Variants in C3orf49 observed in about 807,000 individuals in gnomAD.
C3orf49 encodes chromosome 3 open reading frame 49.
A neutral mutation model predicts 13.3 loss-of-function variants in C3orf49; 27 were observed. The observed-to-expected ratio is 2.02, with a 90% CI of 1.49 to 2.79. The LOEUF is 2.79. C3orf49 is among the 30% of genes most tolerant of loss of function. The pLI is 0.00. For synonymous variants in C3orf49, 87 were observed against 47.6 expected (o/e 1.83, Z -3.40); for missense variants, 242 against 134.2 (o/e 1.80, Z -3.97).
the C3orf49 span, among the ~76,000 whole-genome samples, chr3:63,799,742 A>C: frequency 6.6e-6 from 1 of 152,152 alleles, no homozygotes; most frequent in African/African-American, 2.4e-5. Context: ...CATTTTCCCA[A>C]TTTTACAGTT....
At chr3:63,788,278 T>A in the C3orf49 span, among the ~76,000 whole-genome samples, 1 of 152,172 alleles carries the variant, frequency 6.6e-6, no homozygotes, top group Admixed American at 6.5e-5. Flanking sequence ...CAAGAATACA[T>A]AACTAGTGAG....
chr3:63,843,104 G>A (rs73120898), intron 5 of C3orf49, among the ~76,000 whole-genome samples: 15,573 of 148,854 alleles, frequency 0.1, 938 homozygotes, highest in Middle Eastern at 0.16. Context: ...TCCAAAAACC[G>A]TATGTATATT....
intron 5 of C3orf49, among the ~76,000 whole-genome samples, chr3:63,843,066 C>T (rs1215445619): frequency 6.6e-6 from 1 of 151,966 alleles, no homozygotes; most frequent in East Asian, 1.9e-4. Context: ...GAATTACAGG[C>T]ATGAGCCTCT....
chr3:63,781,202 A>C, the C3orf49 span, among the ~76,000 whole-genome samples: 17 of 149,152 alleles, frequency 1.1e-4, 1 homozygote, highest in Admixed American at 9.5e-4. Context: ...TCAGCTTTCT[A>C]CATATGGCTA....
chr3:63,823,289 T>G lies in C3orf49; in HGVS notation c.165T>G (p.Asn55Lys), dbSNP rs777182540. The G allele has an allele frequency of 3.1e-5, 22 of 702,986 alleles. 1 individual carries two copies. The South Asian group carries it at 3.3e-4, about 10-fold the overall frequency. 43.5% of individuals were successfully genotyped at this position (702,986 alleles called of 1,614,324 possible). A position where few individuals can be genotyped will look rare whatever the true frequency, so the allele number is the denominator to read the frequency against. ...TGTCTACCAACTTACTAAAACAAAA[T>G]GTATTGGTCCCTAAAGAGGAATCAT... Reference protein sequence around the residue: ...RAVSTNLLKQNVLVPKEESSS... With the variant: ...RAVSTNLLKQKVLVPKEESSS... Residue 55 changes from asparagine to lysine, a missense_variant, in exon 2 of 7, where the codon AAT (asparagine) becomes AAG (lysine). By Grantham distance (94) the Asn-to-Lys change is moderately conservative (BLOSUM62 0). Transcript: ENST00000295896.
chr3:63,812,602 T>G, the C3orf49 span, among the ~76,000 whole-genome samples: 1 of 152,228 alleles, frequency 6.6e-6, no homozygotes, highest in Non-Finnish European at 1.5e-5. Flanking sequence ...TTTTTTGTTG[T>G]TGTGAATAAT....
chr3:63,795,027 C>T, the C3orf49 span, among the ~76,000 whole-genome samples: 1 of 152,182 alleles, frequency 6.6e-6, no homozygotes, highest in Non-Finnish European at 1.5e-5. Flanking sequence ...AAATTTTTAA[C>T]TTCACTCCAG....
At chr3:63,819,708 G>A in intron 1 of C3orf49, 112 bp downstream of exon 1, 1 of 650,906 alleles carries the variant, frequency 1.5e-6, no homozygotes, top group Non-Finnish European at 2.8e-6. Context: ...GGATTGGCGG[G>A]GAGGGTACTG....
the C3orf49 span, among the ~76,000 whole-genome samples, chr3:63,809,048 C>T: frequency 3.9e-5 from 6 of 152,240 alleles, no homozygotes; most frequent in East Asian, 1.9e-4. Flanking sequence ...GGCTGCAAGC[C>T]TCTCTCCAAT....
the C3orf49 span, among the ~76,000 whole-genome samples, chr3:63,790,044 A>C: frequency 6.6e-6 from 1 of 152,256 alleles, no homozygotes; most frequent in South Asian, 2.1e-4. Flanking sequence ...ACTCTAATAC[A>C]TTGTCCTTAT....
At chr3:63,842,530 G>A (rs1035248374) in intron 5 of C3orf49, among the ~76,000 whole-genome samples, 5 of 152,164 alleles carry the variant, frequency 3.3e-5, no homozygotes, top group African/African-American at 1.2e-4. Flanking sequence ...AAAAAGGAAT[G>A]AAATAGTGTC....
chr3:63,803,826 T>C, the C3orf49 span, among the ~76,000 whole-genome samples: 1 of 152,138 alleles, frequency 6.6e-6, no homozygotes, highest in Non-Finnish European at 1.5e-5. Context: ...TTATATTTAC[T>C]GTGCACTTTA....
rs189651630 is a variant in C3orf49, at chr3:63,839,807, T to C, written c.850-5216T>C. The C allele has an allele frequency of 2.2e-5, 35 of 1,561,322 alleles. No homozygotes were observed. In the African/African-American group the frequency reaches 3.8e-4, roughly 17 times the overall value. Reference sequence around the variant, plus strand: ...AAGAAGGGCAATGTTACCATCTGGCTCTTGGTAACTTTCAAGTACAAATAA... The same window carrying C: ...AAGAAGGGCAATGTTACCATCTGGCCCTTGGTAACTTTCAAGTACAAATAA... On this transcript the variant is annotated intron_variant, in intron 5 of 6. Coordinates refer to ENST00000295896, the MANE Select transcript of C3orf49 (RefSeq NM_001355236.2).
intron 1 of C3orf49, among the ~76,000 whole-genome samples, chr3:63,820,825 T>C (rs1262505860): frequency 6.6e-6 from 1 of 152,142 alleles, no homozygotes; most frequent in East Asian, 1.9e-4. Flanking sequence ...TACACAAGTC[T>C]AAGGATGAAA....
the C3orf49 span, among the ~76,000 whole-genome samples, chr3:63,800,835 A>G: frequency 6.6e-6 from 1 of 152,154 alleles, no homozygotes; most frequent in Non-Finnish European, 1.5e-5. Flanking sequence ...TGAGGCAGTA[A>G]GAGATCCTTG....
At chr3:63,791,577 C>T in the C3orf49 span, among the ~76,000 whole-genome samples, 1 of 152,136 alleles carries the variant, frequency 6.6e-6, no homozygotes, top group Non-Finnish European at 1.5e-5. Context: ...AATACTGATG[C>T]CTGGGCCCAC....
chr3:63,840,547 C>T (rs2107128398), intron 5 of C3orf49, among the ~76,000 whole-genome samples: 1 of 152,266 alleles, frequency 6.6e-6, no homozygotes, highest in South Asian at 2.1e-4. Flanking sequence ...GCCATGATCT[C>T]ACCACTGGAC....
At chr3:63,825,147 C>G (rs1022540952) in intron 2 of C3orf49, among the ~76,000 whole-genome samples, 13 of 152,140 alleles carry the variant, frequency 8.5e-5, no homozygotes, top group Admixed American at 3.3e-4. Context: ...CACCATACAT[C>G]CACCATAATT....
intron 3 of C3orf49, among the ~76,000 whole-genome samples, chr3:63,829,219 G>A (rs1701502010): frequency 6.6e-6 from 1 of 152,144 alleles, no homozygotes; most frequent in African/African-American, 2.4e-5. Context: ...TGTAGGTTTG[G>A]GGGGTATAGG....
Sources: gnomAD v4.1 joint callset for allele counts (sites outside exome capture counted in the v4.1 genomes callset) on GRCh38, gnomAD v4.1.1 for gene constraint, MANE v1.5 for transcripts, NCBI Gene and HGNC (gene_info 2026-07-23, HGNC 2026-07-21) for gene names.